Variants in MPDZ observed in about 807,000 individuals in gnomAD.
The protein encoded by MPDZ is multiple PDZ domain protein.
MPDZ carries 234 observed loss-of-function variants against 239.1 expected under a neutral mutation model. That is an observed-to-expected ratio of 0.98 (90% confidence interval 0.88 to 1.09). The LOEUF is 1.09. Ranked by LOEUF, MPDZ falls within the 50% of genes least tolerant of loss-of-function variation. The pLI is 0.00. For missense variants in MPDZ, 3,175 were observed against 2,510.0 expected (o/e 1.26, Z -5.66); for synonymous variants, 1,048 against 881.3 (o/e 1.19, Z -3.35).
At chr9:13,128,389 A>C (rs1359525662) in intron 32 of MPDZ, among the ~76,000 whole-genome samples, 1 of 152,230 alleles carries the variant, frequency 6.6e-6, no homozygotes, top group Non-Finnish European at 1.5e-5. Flanking sequence ...AGAAGAAATA[A>C]GGCCTGTTGC....
chr9:13,173,766 A>C (rs1952100743), intron 21 of MPDZ, among the ~76,000 whole-genome samples: 1 of 151,966 alleles, frequency 6.6e-6, no homozygotes, highest in South Asian at 2.1e-4. Flanking sequence ...TGATGTACCC[A>C]AACCATGGCT....
At chr9:13,110,838 A>G (rs761583889) in intron 43 of MPDZ, 98 bp from the exon 44 acceptor site, 4 of 697,548 alleles carry the variant, frequency 5.7e-6, no homozygotes, top group Non-Finnish European at 9.3e-6. Context: ...CTTCCACATG[A>G]CATATATACT....
At chr9:13,110,764 C>G (rs1942324483) in intron 43 of MPDZ, 24 bp from the exon 44 acceptor site, 2 of 1,580,302 alleles carry the variant, frequency 1.3e-6, no homozygotes, top group East Asian at 4.5e-5. Flanking sequence ...AAAGAAACAG[C>G]CATCTGCTAA....
chr9:13,249,790 A>T (rs1588113565), intron 2 of MPDZ, among the ~76,000 whole-genome samples: 1 of 152,200 alleles, frequency 6.6e-6, no homozygotes, highest in Non-Finnish European at 1.5e-5. Context: ...TTATTAACAC[A>T]TGAGTCTGGG....
intron 2 of MPDZ, among the ~76,000 whole-genome samples, chr9:13,248,874 G>C (rs1967050338): frequency 6.8e-6 from 1 of 147,240 alleles, no homozygotes; most frequent in Non-Finnish European, 1.5e-5. Context: ...TCAGGAGGCT[G>C]AGGCAAGAAA....
At position 13,216,754 on chromosome 9, in the gene MPDZ, T is replaced by C. The variant is rs770503932; in HGVS notation, c.1290+20A>G. On this transcript the variant is annotated intron_variant, in intron 10 of 46. Transcript: ENST00000319217. Reference sequence around the variant, plus strand: ...TCAACCATGAAAATTAACAAAGCTATTGTTAAATGTGTAACTTACTGCTAT... The same window carrying C: ...TCAACCATGAAAATTAACAAAGCTACTGTTAAATGTGTAACTTACTGCTAT... The C allele has an allele frequency of 3.9e-6, 6 of 1,533,666 alleles. No homozygotes were observed. Among genetic ancestry groups the C allele is most frequent in the Admixed American group, 1.7e-5 (1 of 58,214 alleles).
At chr9:13,201,843 C>T (rs1956426379) in intron 12 of MPDZ, among the ~76,000 whole-genome samples, 1 of 151,916 alleles carries the variant, frequency 6.6e-6, no homozygotes, top group Non-Finnish European at 1.5e-5. Flanking sequence ...CATTGTGATC[C>T]TGGATTATTT....
At chr9:13,164,916 C>A (rs906737873) in intron 22 of MPDZ, among the ~76,000 whole-genome samples, 1 of 151,984 alleles carries the variant, frequency 6.6e-6, no homozygotes, top group Non-Finnish European at 1.5e-5. Flanking sequence ...TTATGAGCTG[C>A]GAGAACACAC....
At chr9:13,138,673 C>G (rs1947202742) in intron 28 of MPDZ, among the ~76,000 whole-genome samples, 1 of 152,142 alleles carries the variant, frequency 6.6e-6, no homozygotes, top group African/African-American at 2.4e-5. Flanking sequence ...ATATATGTAA[C>G]CCAGTTTTGG....
intron 1 of MPDZ, among the ~76,000 whole-genome samples, chr9:13,262,241 T>C (rs1354026660): frequency 6.6e-6 from 1 of 151,626 alleles, no homozygotes; most frequent in African/African-American, 2.4e-5. Flanking sequence ...GACTGGTGGA[T>C]CGCTTGAGCC....
chr9:13,111,902 G>A, intron 43 of MPDZ, 122 bp downstream of exon 43: 1 of 915,780 alleles, frequency 1.1e-6, no homozygotes, highest in South Asian at 2.9e-5. Flanking sequence ...GGTTGGATTA[G>A]ATGATTTAAA....
In MPDZ at chr9:13,123,318, G is replaced by T. The variant is rs1446069713; in HGVS notation, c.4808-20C>A. 1.0e-5 allele frequency: 16 copies of T among 1,573,876 alleles called. No homozygotes were observed. Among genetic ancestry groups the T allele is most frequent in the Non-Finnish European group, 1.2e-5 (14 of 1,159,526 alleles). ...TTGTATCTAAAAATAAGTTAAAAATGAAATACAAATAAAAATTGGTTACTA... is the reference window on the plus strand; with the variant it reads ...TTGTATCTAAAAATAAGTTAAAAATTAAATACAAATAAAAATTGGTTACTA... On this transcript the variant is annotated intron_variant, in intron 35 of 46. Transcript: ENST00000319217.
intron 17 of MPDZ, among the ~76,000 whole-genome samples, chr9:13,187,090 C>T (rs1266510443): frequency 6.6e-6 from 1 of 152,070 alleles, no homozygotes; most frequent in Non-Finnish European, 1.5e-5. Context: ...GATAATCAGC[C>T]TGCCTACATC....
At chr9:13,273,422 G>T (rs1005898225) in intron 1 of MPDZ, among the ~76,000 whole-genome samples, 2 of 152,156 alleles carry the variant, frequency 1.3e-5, no homozygotes, top group Non-Finnish European at 2.9e-5. Context: ...ACAGTTCCCT[G>T]AAGCAAGGTA....
In MPDZ at chr9:13,205,063, T is replaced by C. The variant is rs375843769; in HGVS notation, c.1519A>G (p.Thr507Ala). 6.1e-6 allele frequency: 9 copies of C among 1,465,220 alleles called. No individual in the cohort carries two copies. Among genetic ancestry groups the C allele is most frequent in the South Asian group, 1.5e-5 (1 of 65,834 alleles). 90.8% of individuals were successfully genotyped at this position (1,465,220 alleles called of 1,614,324 possible). A position where few individuals can be genotyped will look rare whatever the true frequency, so the allele number is the denominator to read the frequency against. Residue 507 changes from threonine (T) to alanine (A), a missense_variant, in exon 12 of 47, where the codon ACC (threonine) becomes GCC (alanine). Coordinates refer to ENST00000319217, the MANE Select transcript of MPDZ (RefSeq NM_001378778.1). Reference sequence around the variant, plus strand: ...TCTTCTTCAGTTGGTAATATGTTGGTGTTTCTCGTCGAAGATAAAAAATCT... The same window carrying C: ...TCTTCTTCAGTTGGTAATATGTTGGCGTTTCTCGTCGAAGATAAAAAATCT... ...DEDFLSSTRN[T>A]NILPTEEEGY...
chr9:13,109,802 GA>G (rs1942116682), intron 45 of MPDZ, 149 bp downstream of exon 45: 1 of 624,036 alleles, frequency 1.6e-6, no homozygotes, highest in Admixed American at 2.8e-5. Context: ...TTTAAGTTTA[GA>G]AGCACCTGAT....
chr9:13,116,375 C>T (rs960630544), intron 39 of MPDZ, among the ~76,000 whole-genome samples: 9 of 152,016 alleles, frequency 5.9e-5, no homozygotes, highest in African/African-American at 1.5e-4. Flanking sequence ...GATAAATAAA[C>T]CATGAACAAT....
intron 3 of MPDZ, among the ~76,000 whole-genome samples, chr9:13,234,457 A>G (rs1270129875): frequency 6.6e-6 from 1 of 152,132 alleles, no homozygotes; most frequent in African/African-American, 2.4e-5. Context: ...TTAGGATCAA[A>G]CTTTATTTCA....
intron 40 of MPDZ, 32 bp downstream of exon 40, chr9:13,115,216 G>C (rs768669089): frequency 1.9e-6 from 3 of 1,576,446 alleles, no homozygotes; most frequent in East Asian, 4.5e-5. Context: ...CATGCCGATT[G>C]CATCGCCCTG....
Sources: allele counts gnomAD v4.1 joint callset (sites outside exome capture counted in the v4.1 genomes callset), GRCh38; gene constraint gnomAD v4.1.1; transcripts MANE v1.5; gene names NCBI Gene and HGNC (gene_info 2026-07-23, HGNC 2026-07-21).